Variants in ST3GAL3 observed in about 807,000 individuals in gnomAD.
ST3GAL3 encodes the protein CMP-N-acetylneuraminate-beta-1,4-galactoside alpha-2,3-sialyltransferase.
Under a neutral mutation model 50.1 loss-of-function variants are expected in ST3GAL3, and 21 were observed. The observed-to-expected ratio is 0.42, with a 90% CI of 0.30 to 0.60. The LOEUF is 0.60. ST3GAL3 is among the 20% of genes least tolerant of loss of function. The pLI is 0.19. For missense variants in ST3GAL3, 353 were observed against 489.4 expected (o/e 0.72, Z 2.63); for synonymous variants, 183 against 190.0 (o/e 0.96, Z 0.30).
At chr1:43,727,794 T>C (rs1428125379) in intron 1 of ST3GAL3, among the ~76,000 whole-genome samples, 1 of 152,208 alleles carries the variant, frequency 6.6e-6, no homozygotes, top group Non-Finnish European at 1.5e-5. Flanking sequence ...ATTTTTTTTT[T>C]CTCCCGGAAG....
intron 1 of ST3GAL3, among the ~76,000 whole-genome samples, chr1:43,726,382 G>A (rs976419595): frequency 6.6e-6 from 1 of 151,922 alleles, no homozygotes; most frequent in African/African-American, 2.4e-5. Context: ...TAACTCCTGG[G>A]CTCAAGTAAT....
chr1:43,889,858 A>G (rs1438301519), intron 5 of ST3GAL3, among the ~76,000 whole-genome samples: 1 of 152,244 alleles, frequency 6.6e-6, no homozygotes, highest in African/African-American at 2.4e-5. Flanking sequence ...TTATAATCCT[A>G]ATTTTGAATT....
At chr1:43,776,628 T>C (rs1490455056) in intron 2 of ST3GAL3, among the ~76,000 whole-genome samples, 1 of 152,168 alleles carries the variant, frequency 6.6e-6, no homozygotes. Flanking sequence ...ACTCTATACT[T>C]AACTTACTGA....
At chr1:43,849,298 A>C (rs2154211116) in intron 5 of ST3GAL3, among the ~76,000 whole-genome samples, 1 of 152,050 alleles carries the variant, frequency 6.6e-6, no homozygotes, top group East Asian at 1.9e-4. Context: ...AAAATACTTA[A>C]GTAAATTCAA....
intron 5 of ST3GAL3, among the ~76,000 whole-genome samples, chr1:43,866,289 A>AT (rs1181895943): frequency 6.6e-6 from 1 of 151,712 alleles, no homozygotes; most frequent in African/African-American, 2.4e-5. Flanking sequence ...GAAGGAGGTG[A>AT]TTTTTTTTTC....
intron 2 of ST3GAL3, among the ~76,000 whole-genome samples, chr1:43,758,718 T>A (rs1217162022): frequency 6.6e-6 from 1 of 152,092 alleles, no homozygotes; most frequent in Non-Finnish European, 1.5e-5. Context: ...GTATGTAAAG[T>A]GCATAACTTA....
rs756909492 is a variant in ST3GAL3, at chr1:43,792,128, G to A, written c.145G>A (p.Ala49Thr). The stretch of plus-strand genomic sequence containing the variant: ...TTCAGTGGTTCTTTCCTTTGACTCC[G>A]CTGGACAAACACTAGGCTCAGGTAC... ...SNSVVLSFDS[A>T]GQTLGSEYDR... Residue 49 changes from alanine (A) to threonine (T), a missense_variant, in exon 3 of 12, where the codon GCT (alanine) becomes ACT (threonine). Transcript: ENST00000347631. 132 of 1,614,034 alleles carry A rather than the reference G, an allele frequency of 8.2e-5. No homozygotes were observed. The highest frequency in any genetic ancestry group is 2.7e-4 in the East Asian group (12 of 44,896).
Position 43,824,593 on chromosome 1 carries a change from G to A in ST3GAL3, c.209+9660G>A. 5.2e-6 allele frequency: 5 copies of A among 962,868 alleles called. No homozygotes were observed. The South Asian group carries it at 5.4e-5, about 10-fold the overall frequency. 59.6% of individuals were successfully genotyped at this position (962,868 alleles called of 1,614,324 possible). On this transcript the variant is annotated intron_variant, in intron 4 of 11. Transcript: ENST00000347631. ...GCCATACTTACTTCACAACAGGAGA[G>A]CATAGCATTGCAGGATTTGGCTAGG...
rs766183239 is a variant in ST3GAL3 at position 43,899,459 on chromosome 1, A to G, written c.558-82A>G. 1.3e-6 allele frequency: 2 copies of G among 1,595,046 alleles called. No homozygotes were observed. The highest frequency in any genetic ancestry group is 1.7e-6 in the Non-Finnish European group (2 of 1,171,970). ...TAGGTCCAGGTGACCTGGACTCCCTATTCTCCATGCCTGGGATAGTCTGGG... is the reference window on the plus strand; with the variant it reads ...TAGGTCCAGGTGACCTGGACTCCCTGTTCTCCATGCCTGGGATAGTCTGGG... On this transcript the variant is annotated intron_variant, in intron 8 of 11. Coordinates refer to ENST00000347631, the MANE Select transcript of ST3GAL3 (RefSeq NM_006279.5). The surrounding 1 kb of genome is among the most constrained non-coding windows in gnomAD (Gnocchi z 5.4).
At chr1:43,927,952 G>C (rs1290417504) in intron 11 of ST3GAL3, among the ~76,000 whole-genome samples, 2 of 152,158 alleles carry the variant, frequency 1.3e-5, no homozygotes, top group Non-Finnish European at 2.9e-5. Context: ...CTCCTTCAGG[G>C]CAGCTGGGTT....
At chr1:43,879,570 A>G in intron 5 of ST3GAL3, 2 of 367,062 alleles carry the variant, frequency 5.4e-6, no homozygotes, top group South Asian at 4.1e-5. Context: ...GATGAATTGG[A>G]TGAGAGGCAG....
At chr1:43,747,282 C>T (rs978755901) in intron 2 of ST3GAL3, among the ~76,000 whole-genome samples, 4 of 151,792 alleles carry the variant, frequency 2.6e-5, no homozygotes, top group African/African-American at 4.8e-5. Flanking sequence ...CATGGTGGCA[C>T]GTGCCTGTAA....
At chr1:43,840,060 G>A (rs2065113461) in intron 5 of ST3GAL3, 2 of 145,162 alleles carry the variant, frequency 1.4e-5, no homozygotes, top group African/African-American at 5.2e-5. Context: ...ACAGGGTCTT[G>A]CGGTGTTGCC....
chr1:43,759,065 G>GCGCACACACACACA lies in ST3GAL3; in HGVS notation c.118+22686_118+22687insGCACACACACACAC, dbSNP rs60386464. Among the ~76,000 whole-genome samples the GCGCACACACACACA allele has an allele frequency of 3.7e-3, 276 of 75,428 alleles. 3 individuals are homozygous for GCGCACACACACACA. Among genetic ancestry groups the GCGCACACACACACA allele is most frequent in the African/African-American group, 9.3e-3 (234 of 25,226 alleles). The allele number at this position is 75,428 out of a possible 152,430, so 49.5% of individuals were successfully genotyped here. ...TCCTAAAAAACAAACAAAAGCGCGC[G>GCGCACACACACACA]CACACACACACACACACACACACAC... On this transcript the variant is annotated intron_variant, in intron 2 of 11. Transcript: ENST00000347631.
At chr1:43,757,906 ACTT>A (rs1688704705) in intron 2 of ST3GAL3, among the ~76,000 whole-genome samples, 1 of 152,332 alleles carries the variant, frequency 6.6e-6, no homozygotes, top group South Asian at 2.1e-4. Flanking sequence ...TTACTGTTGT[ACTT>A]TACTAAGTCA....
chr1:43,819,623 T>C (rs548111629), intron 4 of ST3GAL3, among the ~76,000 whole-genome samples: 1 of 149,370 alleles, frequency 6.7e-6, no homozygotes, highest in Non-Finnish European at 1.5e-5. Flanking sequence ...CCCTATTGCA[T>C]AGAAATACTC....
chr1:43,745,414 A>G (rs1424479182), intron 2 of ST3GAL3, among the ~76,000 whole-genome samples: 2 of 149,346 alleles, frequency 1.3e-5, no homozygotes, highest in African/African-American at 2.5e-5. Flanking sequence ...ATGAAATGTC[A>G]GATTTGAAGA....
intron 2 of ST3GAL3, among the ~76,000 whole-genome samples, chr1:43,782,929 A>G (rs1699828110): frequency 6.6e-6 from 1 of 152,220 alleles, no homozygotes. Context: ...TAGAAGAAAT[A>G]TTAATATTTA....
At chr1:43,855,076 A>G (rs931865062) in intron 5 of ST3GAL3, among the ~76,000 whole-genome samples, 12 of 152,182 alleles carry the variant, frequency 7.9e-5, no homozygotes, top group African/African-American at 2.9e-4. Context: ...AAAGTGCCAG[A>G]TATTTTTCTA....
Sources: allele counts gnomAD v4.1 joint callset (sites outside exome capture counted in the v4.1 genomes callset), GRCh38; gene constraint gnomAD v4.1.1; non-coding constraint Gnocchi (gnomAD v3.1); transcripts MANE v1.5; gene names NCBI Gene and HGNC (gene_info 2026-07-23, HGNC 2026-07-21).